RAPGEF4: variants seen among roughly 807,000 people sequenced by gnomAD.
The protein encoded by RAPGEF4 is RAP guanine-nucleotide-exchange factor (GEF) 4.
A neutral mutation model predicts 147.9 loss-of-function variants in RAPGEF4; 66 were observed. The observed-to-expected ratio is 0.45, with a 90% confidence interval of 0.37 to 0.55. RAPGEF4 has a LOEUF of 0.55. Ranked by LOEUF, RAPGEF4 falls within the 20% of genes least tolerant of loss-of-function variation. The pLI, the probability that RAPGEF4 is intolerant of heterozygous loss-of-function variation, is 0.00. For missense variants in RAPGEF4, 1,071 were observed against 1,257.3 expected, an observed-to-expected ratio of 0.85 and a Z score of 2.24; for synonymous variants, 419 against 442.7, an observed-to-expected ratio of 0.95 and a Z score of 0.67.
chr2:173,010,645 A>G (rs1694913263), intron 17 of RAPGEF4, among the ~76,000 whole-genome samples: 1 of 152,130 alleles, frequency 6.6e-6, no homozygotes, highest in African/African-American at 2.4e-5. Flanking sequence ...CCCCCTTCCT[A>G]CCTTTTTTGT....
At chr2:173,029,218 T>G (rs1029527060) in intron 25 of RAPGEF4, among the ~76,000 whole-genome samples, 1 of 152,244 alleles carries the variant, frequency 6.6e-6, no homozygotes, top group Non-Finnish European at 1.5e-5. Flanking sequence ...TAAGAATTAC[T>G]CTTTGCTACC....
At position 172,862,950 on chromosome 2, in the gene RAPGEF4, A is replaced by T. The variant is rs528565941; in HGVS notation, c.444+48525A>T. ...CAGGGGAGGTGGGGGACTGAGTAGG[A>T]TGGCAGGAAAGCTGGCTAGAAGGGT... On this transcript the variant is annotated intron_variant, in intron 4 of 30. Coordinates refer to ENST00000397081, the MANE Select transcript of RAPGEF4 (RefSeq NM_007023.4). 2.0e-5 allele frequency among the ~76,000 whole-genome samples: 3 copies of T among 152,278 alleles called. No homozygotes were observed. In the South Asian group the frequency reaches 6.2e-4, roughly 32 times the overall value.
intron 4 of RAPGEF4, among the ~76,000 whole-genome samples, chr2:172,914,482 A>G (rs1683823796): frequency 6.6e-6 from 1 of 151,560 alleles, no homozygotes; most frequent in Non-Finnish European, 1.5e-5. Context: ...TACAAGCCTG[A>G]GCCACCACGC....
chr2:173,019,066 A>G (rs1695785664), intron 22 of RAPGEF4, among the ~76,000 whole-genome samples: 1 of 150,880 alleles, frequency 6.6e-6, no homozygotes, highest in Admixed American at 6.6e-5. Context: ...AGTTCTTTCA[A>G]TTTAAACTCT....
chr2:172,771,523 A>AT (rs1464319750), intron 1 of RAPGEF4, among the ~76,000 whole-genome samples: 4 of 152,024 alleles, frequency 2.6e-5, no homozygotes, highest in Non-Finnish European at 5.9e-5. Context: ...TGTAATTGTG[A>AT]TTTTTCCCCT....
At chr2:172,832,668 A>G (rs1017390860) in intron 4 of RAPGEF4, among the ~76,000 whole-genome samples, 1 of 152,214 alleles carries the variant, frequency 6.6e-6, no homozygotes, top group African/African-American at 2.4e-5. Context: ...CATTCTTACT[A>G]GGGCAGTGGA....
At chr2:172,848,639 T>G (rs1009393822) in intron 4 of RAPGEF4, among the ~76,000 whole-genome samples, 1 of 152,202 alleles carries the variant, frequency 6.6e-6, no homozygotes, top group African/African-American at 2.4e-5. Context: ...GGAAGATTTT[T>G]ATCATCTTAC....
chr2:173,024,198 C>T (rs1475715435), intron 23 of RAPGEF4, among the ~76,000 whole-genome samples: 1 of 147,080 alleles, frequency 6.8e-6, no homozygotes, highest in Non-Finnish European at 1.5e-5. Flanking sequence ...TGCATTGCTA[C>T]AGCACTTCTT....
At chr2:172,792,719 T>C (rs2149538619) in intron 1 of RAPGEF4, among the ~76,000 whole-genome samples, 1 of 152,336 alleles carries the variant, frequency 6.6e-6, no homozygotes, top group Non-Finnish European at 1.5e-5. Context: ...TCTGAAAATG[T>C]TCATCTCTCA....
At chr2:172,792,207 G>A (rs537203070) in intron 1 of RAPGEF4, among the ~76,000 whole-genome samples, 20 of 152,342 alleles carry the variant, frequency 1.3e-4, no homozygotes, top group African/African-American at 4.6e-4. Context: ...GCCTCTGCCA[G>A]CTGCTGCTGT....
At chr2:172,975,974 CTAAAA>C (rs149090750) in intron 10 of RAPGEF4, among the ~76,000 whole-genome samples, 9,439 of 152,248 alleles carry the variant, frequency 0.062, 366 homozygotes, top group South Asian at 0.12. Flanking sequence ...CCACATTGTC[CTAAAA>C]ACACTTAGCA....
intron 4 of RAPGEF4, among the ~76,000 whole-genome samples, chr2:172,851,379 A>G (rs1035591223): frequency 1.1e-4 from 16 of 152,246 alleles, no homozygotes; most frequent in African/African-American, 3.6e-4. Flanking sequence ...TTTAGAGTAT[A>G]TGCCACGTGC....
intron 4 of RAPGEF4, among the ~76,000 whole-genome samples, chr2:172,819,504 C>T (rs1321027064): frequency 1.6e-5 from 2 of 122,700 alleles, no homozygotes; most frequent in Non-Finnish European, 3.2e-5. Flanking sequence ...CTCGCTCTGT[C>T]GCCCAGGCTG....
intron 2 of RAPGEF4, 115 bp downstream of exon 2, chr2:172,795,282 A>G: frequency 1.8e-6 from 2 of 1,088,662 alleles, no homozygotes; most frequent in Admixed American, 2.2e-5. Context: ...TTGAGCTTCA[A>G]CCAAAAGTAT....
chr2:173,022,030 A>G (rs1296312217), intron 23 of RAPGEF4, among the ~76,000 whole-genome samples: 1 of 151,948 alleles, frequency 6.6e-6, no homozygotes, highest in Non-Finnish European at 1.5e-5. Flanking sequence ...ATATTTCTCA[A>G]TACTGAAGGA....
intron 4 of RAPGEF4, among the ~76,000 whole-genome samples, chr2:172,845,230 G>A (rs1322127151): frequency 2.0e-5 from 3 of 152,186 alleles, no homozygotes. Flanking sequence ...TGGACCTATA[G>A]TATTTCTGCC....
intron 4 of RAPGEF4, among the ~76,000 whole-genome samples, chr2:172,857,753 G>A (rs946886498): frequency 4.0e-5 from 6 of 151,810 alleles, no homozygotes; most frequent in African/African-American, 1.5e-4. Context: ...GTGGTGGCGT[G>A]CCTGCAGTCC....
At chr2:172,965,358 T>C in intron 8 of RAPGEF4, 2 of 626,132 alleles carry the variant, frequency 3.2e-6, no homozygotes, top group Non-Finnish European at 5.7e-6. Context: ...GCTTTAAAGT[T>C]CTCTCATGAG....
At chr2:172,914,258 T>G (rs1683780232) in intron 4 of RAPGEF4, among the ~76,000 whole-genome samples, 1 of 151,998 alleles carries the variant, frequency 6.6e-6, no homozygotes, top group African/African-American at 2.4e-5. Flanking sequence ...ATTCAGGTAT[T>G]TCAGGAGACT....
Sources: allele counts gnomAD v4.1 joint callset (sites outside exome capture counted in the v4.1 genomes callset), GRCh38; gene constraint gnomAD v4.1.1; transcripts MANE v1.5; gene names NCBI Gene and HGNC (gene_info 2026-07-23, HGNC 2026-07-21).